The following SEMA3D variants were observed in gnomAD, a reference collection of about 807,000 sequenced individuals.
SEMA3D encodes semaphorin-3D.
Under a neutral mutation model 100.1 loss-of-function variants are expected in SEMA3D, and 84 were observed. That is an observed-to-expected ratio of 0.84 (90% confidence interval 0.70 to 1.01). The LOEUF (loss-of-function observed/expected upper bound fraction) is 1.01. Among genes scored for constraint, SEMA3D ranks in the 50% least tolerant of loss-of-function variants. SEMA3D has a pLI of 0.00. For missense variants in SEMA3D, 875 were observed against 934.1 expected, an observed-to-expected ratio of 0.94 and a Z score of 0.82; for synonymous variants, 312 against 320.7, an observed-to-expected ratio of 0.97 and a Z score of 0.29.
intron 1 of SEMA3D, chr7:85,167,559 A>T (rs1282194858): frequency 5.2e-6 from 1 of 191,446 alleles, no homozygotes; most frequent in Non-Finnish European, 9.6e-6. Context: ...AAGAAGCATT[A>T]TAAGCATTCA....
intron 1 of SEMA3D, among the ~76,000 whole-genome samples, chr7:85,156,422 A>T (rs1048027211): frequency 5.9e-5 from 9 of 152,096 alleles, no homozygotes; most frequent in African/African-American, 2.2e-4. Flanking sequence ...TAAGATAATA[A>T]AGCAATCTCC....
intron 2 of SEMA3D, among the ~76,000 whole-genome samples, chr7:85,125,143 G>T (rs1382005593): frequency 6.6e-6 from 1 of 151,070 alleles, no homozygotes; most frequent in Non-Finnish European, 1.5e-5. Context: ...CTTTTTTTTT[G>T]AGCTTCTGGA....
In SEMA3D at chr7:85,040,726, G is replaced by C. The variant is rs1180028944; in HGVS notation, c.993C>G (p.Leu331=). The part of the protein sequence containing the change: ...YFDELQDIYL[L]PTRDERNPVV... ...CAGGATTTCTTTCATCTCTTGTGGG[G>C]AGTAAATAAATATCTTCTATTAAAG... Residue 331 remains leucine, a synonymous_variant, in exon 11 of 19, where the codon CTC becomes CTG. Transcript: ENST00000284136. The C allele has an allele frequency of 7.0e-7, 1 of 1,424,790 alleles. No individual in the cohort carries two copies. Among genetic ancestry groups the C allele is most frequent in the African/African-American group, 1.4e-5 (1 of 70,904 alleles). The allele number at this position is 1,424,790 out of a possible 1,614,324, so 88.3% of individuals were successfully genotyped here. A position where few individuals can be genotyped will look rare whatever the true frequency, so the allele number is the denominator to read the frequency against.
intron 6 of SEMA3D, among the ~76,000 whole-genome samples, chr7:85,072,380 C>T (rs1443586673): frequency 6.6e-6 from 1 of 152,070 alleles, no homozygotes; most frequent in East Asian, 1.9e-4. Context: ...CACTATTATA[C>T]ATAACAGGTC....
chr7:85,210,798 C>T, the SEMA3D span, among the ~76,000 whole-genome samples: 1 of 152,016 alleles, frequency 6.6e-6, no homozygotes, highest in Non-Finnish European at 1.5e-5. Flanking sequence ...TGATCCTCAA[C>T]ACCATTAGAT....
At chr7:85,011,720 G>T (rs1414000987) in intron 17 of SEMA3D, among the ~76,000 whole-genome samples, 1 of 151,684 alleles carries the variant, frequency 6.6e-6, no homozygotes, top group African/African-American at 2.4e-5. Flanking sequence ...ACATCACAAT[G>T]AATCACCTAC....
chr7:84,997,405 G>A lies in SEMA3D; in HGVS notation c.*2035C>T, dbSNP rs1232255700. The A allele has an allele frequency of 6.6e-6, 1 of 151,978 alleles. No homozygotes were observed. The highest frequency in any genetic ancestry group is 1.5e-5 in the Non-Finnish European group (1 of 67,942). 9.4% of individuals were successfully genotyped at this position (151,978 alleles called of 1,614,324 possible). A position where few individuals can be genotyped will look rare whatever the true frequency, so the allele number is the denominator to read the frequency against. The stretch of plus-strand genomic sequence containing the variant: ...AAGCAAATCTATAATTACAAACACT[G>A]TTGTTACGCTATTCAATTAGAAGTC... On this transcript the variant is annotated 3_prime_UTR_variant, in exon 19 of 19. Coordinates refer to ENST00000284136, the MANE Select transcript of SEMA3D (RefSeq NM_001384900.1).
chr7:85,209,735 C>T, the SEMA3D span, among the ~76,000 whole-genome samples: 1 of 152,046 alleles, frequency 6.6e-6, no homozygotes, highest in Non-Finnish European at 1.5e-5. Flanking sequence ...TACATTAAGA[C>T]ATTTTCAACA....
rs776990536 is a variant in SEMA3D, at chr7:85,039,969, C to CTTTT, written c.1046+700_1046+703dup. Among the ~76,000 whole-genome samples the CTTTT allele has an allele frequency of 2.7e-3, 247 of 90,550 alleles. 2 individuals are homozygous for CTTTT. The highest frequency in any genetic ancestry group is 6.8e-3 in the African/African-American group (137 of 20,192). 59.4% of individuals were successfully genotyped at this position (90,550 alleles called of 152,430 possible). ...ACTATGATTAATATATACGCAAACA[C>CTTTT]TTTTTTTTTTTTTTTTTTTTTTTTG... On this transcript the variant is annotated intron_variant, in intron 11 of 18. Transcript: ENST00000284136.
chr7:85,158,138 T>C (rs1438451229), intron 1 of SEMA3D, among the ~76,000 whole-genome samples: 1 of 152,196 alleles, frequency 6.6e-6, no homozygotes, highest in African/African-American at 2.4e-5. Flanking sequence ...TTGAACAATA[T>C]GAAATCTGGG....
chr7:85,003,669 TTAAA>T (rs1427705887), intron 18 of SEMA3D, among the ~76,000 whole-genome samples: 1 of 152,080 alleles, frequency 6.6e-6, no homozygotes, highest in African/African-American at 2.4e-5. Flanking sequence ...ACAATTATTA[TTAAA>T]TAAACATGCC....
intron 3 of SEMA3D, among the ~76,000 whole-genome samples, chr7:85,116,248 A>C (rs1170154086): frequency 6.8e-6 from 1 of 147,632 alleles, no homozygotes. Context: ...ACCTATATAA[A>C]TTGTATATAT....
rs186298749 is a variant in SEMA3D, at chr7:84,999,253, G to T, written c.*187C>A. The T allele has an allele frequency of 4.5e-4, 257 of 570,666 alleles. 1 individual carries two copies. The Admixed American group carries it at 7.7e-3, about 17-fold the overall frequency. The allele number at this position is 570,666 out of a possible 1,614,324, so 35.4% of individuals were successfully genotyped here. A position where few individuals can be genotyped will look rare whatever the true frequency, so the allele number is the denominator to read the frequency against. ...CTTTGCTTGTGCAAGATTTGTTCTT[G>T]GAAAACTGGTTCAAATGAATTTTTT... On this transcript the variant is annotated 3_prime_UTR_variant, in exon 19 of 19. Coordinates refer to ENST00000284136, the MANE Select transcript of SEMA3D (RefSeq NM_001384900.1).
rs548470983 is a variant in SEMA3D at position 85,176,934 on chromosome 7, C to T, written c.-173+9744G>A. The stretch of plus-strand genomic sequence containing the variant: ...ATAATATGTTTTTACCATATCTTTT[C>T]TATGTTTAGTTATGTTCAGAAACAC... On this transcript the variant is annotated intron_variant, in intron 1 of 18. Transcript: ENST00000284136. Among the ~76,000 whole-genome samples the T allele has an allele frequency of 1.3e-4, 20 of 152,136 alleles. No individual in the cohort carries two copies. In the South Asian group the frequency reaches 4.1e-3, roughly 32 times the overall value.
chr7:85,181,347 C>CCA, intron 1 of SEMA3D, among the ~76,000 whole-genome samples: 1 of 146,242 alleles, frequency 6.8e-6, no homozygotes, highest in East Asian at 2.0e-4. Context: ...CACACACACA[C>CCA]ACACACACAC....
chr7:85,012,048 A>G (rs541253170), intron 17 of SEMA3D, among the ~76,000 whole-genome samples: 1 of 151,708 alleles, frequency 6.6e-6, no homozygotes, highest in African/African-American at 2.4e-5. Context: ...ACATACTTTT[A>G]TAGATTTGTT....
Position 85,169,796 on chromosome 7 carries a change from C to A in SEMA3D, c.-172-16057G>T, listed in dbSNP as rs534942926. 3.7e-3 allele frequency among the ~76,000 whole-genome samples: 562 copies of A among 151,600 alleles called. 4 individuals carry two copies. The highest frequency in any genetic ancestry group is 0.013 in the African/African-American group (542 of 41,404). ...TTTTTTTTCATTTGCAGATACAAAA[C>A]AACTATTGATCACTATGCTAGGTAT... On this transcript the variant is annotated intron_variant, in intron 1 of 18. Transcript: ENST00000284136.
chr7:85,107,581 TTTGCCACAGCTTGCTACGTA>T (rs1788967802), intron 3 of SEMA3D, among the ~76,000 whole-genome samples: 1 of 152,074 alleles, frequency 6.6e-6, no homozygotes, highest in Non-Finnish European at 1.5e-5. Context: ...CAGTTTAGAA[TTTGCCACAGCTTGCTACGTA>T]TTGTCAATTT....
rs573958832 is a variant in SEMA3D at position 85,004,561 on chromosome 7, C to T, written c.1908+2241G>A. On this transcript the variant is annotated intron_variant, in intron 18 of 18. Coordinates refer to ENST00000284136, the MANE Select transcript of SEMA3D (RefSeq NM_001384900.1). ...TGACTCATGACCTCCCGTACAGCAC[C>T]CAACTGTGAAACAGCTCAGTAAGGA... Among the ~76,000 whole-genome samples the T allele has an allele frequency of 2.6e-5, 4 of 152,092 alleles. No homozygotes were observed. In the South Asian group the frequency reaches 8.3e-4, roughly 32 times the overall value.
Sources: gnomAD v4.1 joint callset for allele counts (sites outside exome capture counted in the v4.1 genomes callset) on GRCh38, gnomAD v4.1.1 for gene constraint, MANE v1.5 for transcripts, NCBI Gene and HGNC (gene_info 2026-07-23, HGNC 2026-07-21) for gene names.